Variants in CCBE1 observed in about 807,000 individuals in gnomAD.
The protein encoded by CCBE1 is collagen and calcium-binding EGF domain-containing protein 1.
CCBE1 carries 37 observed loss-of-function variants against 50.0 expected under a neutral mutation model. The ratio of observed to expected loss-of-function variants is 0.74; its 90% CI spans 0.57 to 0.97. The LOEUF (loss-of-function observed/expected upper bound fraction) is 0.97, where lower values mean the gene tolerates loss of function less well. Ranked by LOEUF, CCBE1 falls within the 50% of genes least tolerant of loss-of-function variation. The pLI, the probability that CCBE1 is intolerant of heterozygous loss-of-function variation, is 0.00. For synonymous variants in CCBE1, 234 were observed against 203.7 expected (o/e 1.15, Z -1.27); for missense variants, 538 against 523.8 (o/e 1.03, Z -0.26).
At chr18:59,611,766 G>A (rs942431076) in intron 2 of CCBE1, among the ~76,000 whole-genome samples, 2 of 152,004 alleles carry the variant, frequency 1.3e-5, no homozygotes, top group African/African-American at 4.8e-5. Context: ...ATAAAAAAAG[G>A]AAGCATTTTT....
At chr18:59,556,626 C>T (rs148828794) in intron 2 of CCBE1, among the ~76,000 whole-genome samples, 8 of 152,096 alleles carry the variant, frequency 5.3e-5, no homozygotes, top group Non-Finnish European at 1.0e-4. Context: ...TAAAAGGGTG[C>T]TTTTCTGCTC....
Position 59,628,240 on chromosome 18 carries a change from T to G in CCBE1, c.212+68389A>C, listed in dbSNP as rs369494055. On this transcript the variant is annotated intron_variant, in intron 2 of 10. Coordinates refer to ENST00000439986, the MANE Select transcript of CCBE1 (RefSeq NM_133459.4). ...TCAAAAAAGAAATCCAGATTCAGAC[T>G]TCCATCTTTTTGGATATTCTTTATT... Among the ~76,000 whole-genome samples, 132 of 152,264 alleles carry G rather than the reference T, an allele frequency of 8.7e-4. 1 individual carries two copies. The highest frequency in any genetic ancestry group is 3.1e-3 in the African/African-American group (130 of 41,556).
intron 2 of CCBE1, among the ~76,000 whole-genome samples, chr18:59,614,927 G>A (rs2053618210): frequency 6.6e-6 from 1 of 152,172 alleles, no homozygotes; most frequent in African/African-American, 2.4e-5. Context: ...ACAAACCATA[G>A]GATGTACCAT....
At chr18:59,543,529 C>T (rs1017015893) in intron 2 of CCBE1, among the ~76,000 whole-genome samples, 1 of 151,902 alleles carries the variant, frequency 6.6e-6, no homozygotes, top group Non-Finnish European at 1.5e-5. Flanking sequence ...AAAACTAATG[C>T]GAGAGGCCGC....
intron 2 of CCBE1, among the ~76,000 whole-genome samples, chr18:59,588,242 G>C (rs926874117): frequency 1.3e-5 from 2 of 152,112 alleles, no homozygotes; most frequent in African/African-American, 4.8e-5. Flanking sequence ...CATGTGTGCA[G>C]ACCACATAAC....
At chr18:59,602,054 C>T (rs2144562380) in intron 2 of CCBE1, among the ~76,000 whole-genome samples, 1 of 151,342 alleles carries the variant, frequency 6.6e-6, no homozygotes, top group Non-Finnish European at 1.5e-5. Context: ...AAAAAAGATC[C>T]ACCTCAATTC....
chr18:59,683,370 A>G (rs1254029564), intron 2 of CCBE1, among the ~76,000 whole-genome samples: 1 of 152,204 alleles, frequency 6.6e-6, no homozygotes, highest in African/African-American at 2.4e-5. Flanking sequence ...CATACATTTA[A>G]AAGGCTGAAC....
chr18:59,489,286 A>C (rs1005560674), intron 2 of CCBE1, among the ~76,000 whole-genome samples: 1 of 152,256 alleles, frequency 6.6e-6, no homozygotes, highest in Non-Finnish European at 1.5e-5. Context: ...TCTCCCTGGC[A>C]TATCAGTGTG....
intron 2 of CCBE1, among the ~76,000 whole-genome samples, chr18:59,504,889 C>A (rs757291664): frequency 6.6e-6 from 1 of 152,120 alleles, no homozygotes; most frequent in Non-Finnish European, 1.5e-5. Flanking sequence ...TGCCATTTGG[C>A]CTCATGAAGG....
intron 3 of CCBE1, among the ~76,000 whole-genome samples, chr18:59,476,813 CA>C (rs1912326807): frequency 6.6e-6 from 1 of 152,196 alleles, no homozygotes; most frequent in Non-Finnish European, 1.5e-5. Context: ...AGTCTGGAGT[CA>C]GGTTCACCAG....
intron 3 of CCBE1, among the ~76,000 whole-genome samples, chr18:59,477,196 C>T (rs1912348250): frequency 6.6e-6 from 1 of 152,180 alleles, no homozygotes. Context: ...ACTGTTACTC[C>T]ACAACAGAGG....
In CCBE1 at chr18:59,696,723, C is replaced by T. The variant is rs374979919; in HGVS notation, c.132-14G>A. On this transcript the variant is annotated splice_polypyrimidine_tract_variant and intron_variant, in intron 1 of 10. Transcript: ENST00000439986. ...GAGCAGATTTCTCTATGAAAAAGTG[C>T]AGAGGAAATGTTCGATTCTCAGCGG... 1.2e-6 allele frequency: 2 copies of T among 1,613,028 alleles called. No individual in the cohort carries two copies. The highest frequency in any genetic ancestry group is 2.7e-5 in the African/African-American group (2 of 74,908).
intron 2 of CCBE1, among the ~76,000 whole-genome samples, chr18:59,577,276 C>T (rs562746163): frequency 6.6e-6 from 1 of 152,340 alleles, no homozygotes; most frequent in South Asian, 2.1e-4. Context: ...GCAGCTCAAC[C>T]TCAGAGGCTG....
chr18:59,480,669 T>G (rs914212369), intron 2 of CCBE1, among the ~76,000 whole-genome samples: 1 of 152,302 alleles, frequency 6.6e-6, no homozygotes, highest in East Asian at 1.9e-4. Flanking sequence ...ACATAATGAT[T>G]GTTAATTGTA....
Position 59,575,789 on chromosome 18 carries a change from C to T in CCBE1, c.213-95551G>A, listed in dbSNP as rs184512975. On this transcript the variant is annotated intron_variant, in intron 2 of 10. Transcript: ENST00000439986. ...TGGTCATAATCCACATTGGCAGCTACAATTCTCATGCCCAGAGCAGGTCAT... is the reference window on the plus strand; with the variant it reads ...TGGTCATAATCCACATTGGCAGCTATAATTCTCATGCCCAGAGCAGGTCAT... Among the ~76,000 whole-genome samples, 436 of 152,318 alleles carry T rather than the reference C, an allele frequency of 2.9e-3. 5 individuals are homozygous for T. The highest frequency in any genetic ancestry group is 9.7e-3 in the African/African-American group (404 of 41,564).
At chr18:59,489,954 T>C (rs1217723066) in intron 2 of CCBE1, among the ~76,000 whole-genome samples, 1 of 151,812 alleles carries the variant, frequency 6.6e-6, no homozygotes, top group East Asian at 1.9e-4. Flanking sequence ...TATGATTATA[T>C]TGTATATGTA....
At chr18:59,555,083 G>C (rs190158926) in intron 2 of CCBE1, among the ~76,000 whole-genome samples, 7 of 152,238 alleles carry the variant, frequency 4.6e-5, no homozygotes, top group Non-Finnish European at 2.9e-5. Flanking sequence ...AGGCATGTAT[G>C]TGTCCTTCAT....
At chr18:59,682,544 C>T (rs2054604566) in intron 2 of CCBE1, among the ~76,000 whole-genome samples, 1 of 152,188 alleles carries the variant, frequency 6.6e-6, no homozygotes, top group Non-Finnish European at 1.5e-5. Flanking sequence ...GAGAACTCTC[C>T]AGTGAACAGA....
At chr18:59,547,982 C>A (rs2144405093) in intron 2 of CCBE1, among the ~76,000 whole-genome samples, 1 of 152,332 alleles carries the variant, frequency 6.6e-6, no homozygotes, top group South Asian at 2.1e-4. Context: ...CTTTTATTCT[C>A]CTTGTGGTTG....
Sources: allele counts gnomAD v4.1 joint callset (sites outside exome capture counted in the v4.1 genomes callset), GRCh38; gene constraint gnomAD v4.1.1; transcripts MANE v1.5; gene names NCBI Gene and HGNC (gene_info 2026-07-23, HGNC 2026-07-21).